Variants in CCDC40 observed in about 807,000 individuals in gnomAD.
CCDC40 encodes the protein coiled-coil domain 40 molecular ruler complex subunit.
In CCDC40, 104 loss-of-function variants were observed where a neutral mutation model predicts 124.5. The ratio of observed to expected loss-of-function variants is 0.84; its 90% CI spans 0.71 to 0.98. The LOEUF (loss-of-function observed/expected upper bound fraction) is 0.98. CCDC40 is among the 50% of genes least tolerant of loss of function. CCDC40 has a pLI of 0.00. For missense variants in CCDC40, 1,463 were observed against 1,503.9 expected (o/e 0.97, Z 0.45); for synonymous variants, 580 against 602.9 (o/e 0.96, Z 0.56).
chr17:80,078,131 A>G (rs1162466911), intron 10 of CCDC40, among the ~76,000 whole-genome samples: 1 of 151,968 alleles, frequency 6.6e-6, no homozygotes, highest in Non-Finnish European at 1.5e-5. Context: ...GGAGATTGAG[A>G]CCATCCTGGC....
In CCDC40 at chr17:80,081,969, G is replaced by C; in HGVS notation, c.1900G>C (p.Glu634Gln). The C allele has an allele frequency of 6.2e-7, 1 of 1,613,912 alleles. No homozygotes were observed. The highest frequency in any genetic ancestry group is 2.2e-5 in the East Asian group (1 of 44,750). ...GAGGAAGACGGATGCTGCCATCCGGGAGAAGCTGCAGGAGCACATGACCTC... is the reference window on the plus strand; with the variant it reads ...GAGGAAGACGGATGCTGCCATCCGGCAGAAGCTGCAGGAGCACATGACCTC... Reference protein sequence around the residue: ...LRRKTDAAIREKLQEHMTSNK... With the variant: ...LRRKTDAAIRQKLQEHMTSNK... Residue 634 changes from glutamate to glutamine, a missense_variant, in exon 12 of 20, where the codon GAG becomes CAG. Transcript: ENST00000397545.
At chr17:80,059,862 T>C (rs1388224625) in intron 9 of CCDC40, among the ~76,000 whole-genome samples, 1 of 151,830 alleles carries the variant, frequency 6.6e-6, no homozygotes, top group East Asian at 1.9e-4. Context: ...GCCCAGCCAA[T>C]GAAAAAGAAG....
chr17:80,090,092 G>A (rs776451053), intron 17 of CCDC40: 113 of 1,536,360 alleles, frequency 7.4e-5, no homozygotes, highest in Non-Finnish European at 8.5e-5. Flanking sequence ...CAAAGCGCAC[G>A]TCCCCCTTGA....
In CCDC40 at chr17:80,058,419, G is replaced by C. The variant is rs2037805818; in HGVS notation, c.1160-75G>C. 1 of 1,408,682 alleles carries C rather than the reference G, an allele frequency of 7.1e-7. No homozygotes were observed. Among genetic ancestry groups the C allele is most frequent in the Non-Finnish European group, 1.0e-6 (1 of 1,000,782 alleles). The allele number at this position is 1,408,682 out of a possible 1,614,324, so 87.3% of individuals were successfully genotyped here. A position where few individuals can be genotyped will look rare whatever the true frequency, so the allele number is the denominator to read the frequency against. ...AACGGCTGTTCCCTGCTTCCTCCTG[G>C]GTCTCTGCATGGGGGACGCTGGGAC... On this transcript the variant is annotated intron_variant, in intron 7 of 19. Transcript: ENST00000397545. This position sits in a 1 kb window ranked among gnomAD's most constrained non-coding sequence, Gnocchi z 4.2.
intron 17 of CCDC40, among the ~76,000 whole-genome samples, chr17:80,091,342 CAG>C (rs146101730): frequency 1.9e-4 from 27 of 145,032 alleles, no homozygotes; most frequent in Admixed American, 8.4e-4. Context: ...CACACACACA[CAG>C]AGAGAGAGAG....
At chr17:80,061,968 G>T (rs539535091) in intron 9 of CCDC40, among the ~76,000 whole-genome samples, 1 of 152,020 alleles carries the variant, frequency 6.6e-6, no homozygotes, top group South Asian at 2.1e-4. Context: ...GATAAAGCCA[G>T]GCTTGGTGGG....
At position 80,088,000 on chromosome 17, in the gene CCDC40, C is replaced by T; in HGVS notation, c.2620-11C>T. Reference sequence around the variant, plus strand: ...CCTCCCCACAGCTGTCCCGCCCCCTCCCCCATGCAGGCCTCTGAGAGGGAG... The same window carrying T: ...CCTCCCCACAGCTGTCCCGCCCCCTTCCCCATGCAGGCCTCTGAGAGGGAG... On this transcript the variant is annotated splice_polypyrimidine_tract_variant and intron_variant, in intron 15 of 19. Transcript: ENST00000397545. This position sits in a 1 kb window ranked among gnomAD's most constrained non-coding sequence, Gnocchi z 4.5. 6.3e-7 allele frequency: 1 copy of T among 1,589,538 alleles called. No homozygotes were observed. Among genetic ancestry groups the T allele is most frequent in the Non-Finnish European group, 8.6e-7 (1 of 1,157,664 alleles).
At chr17:80,094,697 A>G (rs544185676) in intron 17 of CCDC40, among the ~76,000 whole-genome samples, 19 of 152,134 alleles carry the variant, frequency 1.2e-4, no homozygotes, top group Admixed American at 7.2e-4. Context: ...CCGTCTCAAA[A>G]AATTTTTAAA....
At chr17:80,078,544 C>T (rs1229887450) in intron 10 of CCDC40, among the ~76,000 whole-genome samples, 1 of 152,084 alleles carries the variant, frequency 6.6e-6, no homozygotes, top group Non-Finnish European at 1.5e-5. Flanking sequence ...ACTGTCCTTT[C>T]CGTATTGAAA....
chr17:80,091,127 T>G (rs1431682033), intron 17 of CCDC40, among the ~76,000 whole-genome samples: 1 of 152,198 alleles, frequency 6.6e-6, no homozygotes, highest in African/African-American at 2.4e-5. Flanking sequence ...TGGCCCTACA[T>G]GGTTACTAAC....
Position 80,099,526 on chromosome 17 carries a change from G to T in CCDC40, c.3181-1G>T. Reference sequence around the variant, plus strand: ...TATATGGAGTCTCTTTTCCTACCCAGAACCTTTCAGAGATCGTGGCCCTGC... The same window carrying T: ...TATATGGAGTCTCTTTTCCTACCCATAACCTTTCAGAGATCGTGGCCCTGC... On this transcript the variant is annotated splice_acceptor_variant, in intron 19 of 19. Transcript: ENST00000397545. LOFTEE classifies it high-confidence loss of function. 6.2e-7 allele frequency: 1 copy of T among 1,607,424 alleles called. No individual in the cohort carries two copies.
intron 1 of CCDC40, among the ~76,000 whole-genome samples, chr17:80,037,720 T>TA (rs1555889200): frequency 7.8e-5 from 11 of 141,466 alleles, no homozygotes; most frequent in South Asian, 2.3e-4. Flanking sequence ...TATATATATA[T>TA]TCCTGTGCTA....
chr17:80,065,999 A>T, intron 10 of CCDC40: 1 of 665,370 alleles, frequency 1.5e-6, no homozygotes, highest in Non-Finnish European at 2.7e-6. Context: ...CCGAAATCCT[A>T]TTTTAATCTC....
intron 9 of CCDC40, among the ~76,000 whole-genome samples, chr17:80,061,825 C>T (rs2037905438): frequency 6.6e-6 from 1 of 151,772 alleles, no homozygotes; most frequent in Admixed American, 6.6e-5. Flanking sequence ...GATCTTCATC[C>T]AGGGCGATAT....
intron 7 of CCDC40, among the ~76,000 whole-genome samples, chr17:80,051,125 C>T (rs1021568436): frequency 6.6e-6 from 1 of 152,190 alleles, no homozygotes; most frequent in Non-Finnish European, 1.5e-5. Context: ...CTTGTGACTA[C>T]GGAGTATTTC....
intron 10 of CCDC40, among the ~76,000 whole-genome samples, chr17:80,078,901 T>C (rs1372014178): frequency 6.6e-6 from 1 of 151,936 alleles, no homozygotes; most frequent in Non-Finnish European, 1.5e-5. Flanking sequence ...TTCTGCTTCA[T>C]GGACATGGCA....
chr17:80,086,102 C>T lies in CCDC40; in HGVS notation c.2335C>T (p.Arg779Cys), dbSNP rs192776296. 10 of 1,614,100 alleles carry T rather than the reference C, an allele frequency of 6.2e-6. No homozygotes were observed. In the East Asian group the frequency reaches 1.1e-4, roughly 18 times the overall value. The change falls in exon 14 of 20, where the codon CGC becomes TGC. Residue 779 changes from arginine (R) to cysteine (C), a missense_variant. Physicochemically the swap from Arg to Cys is radical, Grantham distance 180. Transcript: ENST00000397545. The surrounding 1 kb of genome is among the most constrained non-coding windows in gnomAD (Gnocchi z 5.5). ...KAVQAQVTWL[R>C]LQQEMVKVTQ... is the part of the protein sequence containing the mutation. ...GGTCCAGGCCCAGGTGACCTGGCTG[C>T]GCCTGCAGCAGGAGATGGTCAAGGT...
intron 7 of CCDC40, among the ~76,000 whole-genome samples, chr17:80,051,060 A>G (rs1352434145): frequency 6.6e-6 from 1 of 152,238 alleles, no homozygotes; most frequent in African/African-American, 2.4e-5. Context: ...TTACCGATAA[A>G]GCAACGTCCT....
chr17:80,087,290 G>A lies in CCDC40; in HGVS notation c.2450-317G>A. On this transcript the variant is annotated intron_variant, in intron 14 of 19. Coordinates refer to ENST00000397545, the MANE Select transcript of CCDC40 (RefSeq NM_017950.4). This position sits in a 1 kb window ranked among gnomAD's most constrained non-coding sequence, Gnocchi z 4.5. ...CCCGGTGCTCCACAGATTTGCAAGT[G>A]TCTGGGGGAGGGAGCCTGGCCCTCC... 2.3e-6 allele frequency: 1 copy of A among 442,612 alleles called. No individual in the cohort carries two copies. Among genetic ancestry groups the A allele is most frequent in the Non-Finnish European group, 4.2e-6 (1 of 237,680 alleles). The allele number at this position is 442,612 out of a possible 1,614,324, so 27.4% of individuals were successfully genotyped here.
Sources: gnomAD v4.1 joint callset for allele counts (sites outside exome capture counted in the v4.1 genomes callset) on GRCh38, gnomAD v4.1.1 for gene constraint, Gnocchi (gnomAD v3.1) non-coding constraint, MANE v1.5 for transcripts, NCBI Gene and HGNC (gene_info 2026-07-23, HGNC 2026-07-21) for gene names.